The following ROBO2 variants were observed in gnomAD, a reference collection of about 807,000 sequenced individuals.
ROBO2 encodes roundabout guidance receptor 2.
In ROBO2, 53 loss-of-function variants were observed where a neutral mutation model predicts 160.8. The observed-to-expected ratio is 0.33, with a 90% CI of 0.26 to 0.41. The LOEUF is 0.41. Ranked by LOEUF, ROBO2 falls within the 10% of genes least tolerant of loss-of-function variation. The probability of loss-of-function intolerance (pLI) is 1.00; values close to 1 mark genes in which losing one functional copy is unlikely to be tolerated. For missense variants in ROBO2, 1,577 were observed against 1,722.4 expected (o/e 0.92, Z 1.49); for synonymous variants, 664 against 611.7 (o/e 1.09, Z -1.26).
chr3:75,988,875 A>T (rs2065488139), intron 2 of ROBO2, among the ~76,000 whole-genome samples: 1 of 151,998 alleles, frequency 6.6e-6, no homozygotes, highest in East Asian at 1.9e-4. Context: ...AAATCTGATG[A>T]TATATAATTT....
At chr3:75,974,638 G>A (rs1446438484) in intron 2 of ROBO2, among the ~76,000 whole-genome samples, 1 of 151,526 alleles carries the variant, frequency 6.6e-6, no homozygotes, top group Non-Finnish European at 1.5e-5. Flanking sequence ...CAGTGTTTCA[G>A]ATTTTACTGT....
chr3:77,316,946 C>A, intron 2 of ROBO2: 1 of 1,328,518 alleles, frequency 7.5e-7, no homozygotes, highest in Non-Finnish European at 1.1e-6. Flanking sequence ...GCTGCTGTTC[C>A]GAAGCGCGTG....
chr3:77,119,879 A>G (rs1407490453), intron 2 of ROBO2, among the ~76,000 whole-genome samples: 1 of 152,198 alleles, frequency 6.6e-6, no homozygotes, highest in African/African-American at 2.4e-5. Context: ...GTCCAGTTTC[A>G]TATAGTAAAA....
At chr3:76,159,706 C>T (rs2072547515) in intron 2 of ROBO2, among the ~76,000 whole-genome samples, 1 of 152,128 alleles carries the variant, frequency 6.6e-6, no homozygotes, top group African/African-American at 2.4e-5. Flanking sequence ...CGTTATTTCT[C>T]AGCATAAGCT....
At chr3:76,072,504 T>TAC (rs1416767576) in intron 2 of ROBO2, among the ~76,000 whole-genome samples, 1 of 152,172 alleles carries the variant, frequency 6.6e-6, no homozygotes, top group East Asian at 1.9e-4. Flanking sequence ...TCTTTATATA[T>TAC]ACTCCTAGAT....
At chr3:77,164,419 C>G (rs376478805) in intron 2 of ROBO2, among the ~76,000 whole-genome samples, 3,119 of 80,648 alleles carry the variant, frequency 0.039, 144 homozygotes, top group Middle Eastern at 0.09. Flanking sequence ...GGCCAGCCGC[C>G]CCGTCCGGGA....
chr3:76,616,921 T>A (rs2088630503), intron 2 of ROBO2, among the ~76,000 whole-genome samples: 1 of 152,138 alleles, frequency 6.6e-6, no homozygotes, highest in Non-Finnish European at 1.5e-5. Flanking sequence ...CCACTGTGTC[T>A]AAGTCTAAAG....
At chr3:77,300,285 G>T (rs2062542407) in intron 2 of ROBO2, among the ~76,000 whole-genome samples, 1 of 150,452 alleles carries the variant, frequency 6.6e-6, no homozygotes, top group Non-Finnish European at 1.5e-5. Context: ...ATTATTCTAA[G>T]AAAGAGTTAT....
intron 2 of ROBO2, among the ~76,000 whole-genome samples, chr3:77,250,790 G>A (rs1255260094): frequency 6.6e-6 from 1 of 152,034 alleles, no homozygotes; most frequent in East Asian, 1.9e-4. Flanking sequence ...GAGGGTAAGG[G>A]GGCTGAACTC....
chr3:76,185,215 T>TATAGATAGATATATATATATATATATAC, intron 2 of ROBO2, among the ~76,000 whole-genome samples: 1 of 90,312 alleles, frequency 1.1e-5, no homozygotes, highest in African/African-American at 3.8e-5. Context: ...TATATATATA[T>TATAGATAGATATATATATATATATATAC]ACACACACAA....
intron 2 of ROBO2, among the ~76,000 whole-genome samples, chr3:77,290,867 A>C (rs1453251668): frequency 1.2e-5 from 1 of 83,500 alleles, no homozygotes; most frequent in Non-Finnish European, 3.1e-5. Context: ...TAAAGACATA[A>C]AGTAAAATTG....
chr3:77,436,155 T>TA (rs147074024), intron 2 of ROBO2, among the ~76,000 whole-genome samples: 7,861 of 151,498 alleles, frequency 0.052, 304 homozygotes, highest in Non-Finnish European at 0.073. Flanking sequence ...TTCCTGCAGT[T>TA]TTTTTTACAT....
intron 2 of ROBO2, among the ~76,000 whole-genome samples, chr3:77,403,288 A>G (rs2075971699): frequency 6.6e-6 from 1 of 152,158 alleles, no homozygotes; most frequent in African/African-American, 2.4e-5. Context: ...TATGGTCACT[A>G]TACTGTACAA....
At chr3:77,064,386 A>C (rs1258194918) in intron 1 of ROBO2, among the ~76,000 whole-genome samples, 1 of 145,746 alleles carries the variant, frequency 6.9e-6, no homozygotes, top group Admixed American at 6.9e-5. Flanking sequence ...TTTGAGACAG[A>C]GTCTCACTGT....
intron 2 of ROBO2, among the ~76,000 whole-genome samples, chr3:76,687,230 C>T (rs533277877): frequency 6.6e-6 from 1 of 152,140 alleles, no homozygotes. Context: ...TGAATCCAGG[C>T]TACCTGGGGT....
intron 2 of ROBO2, among the ~76,000 whole-genome samples, chr3:76,486,367 G>A (rs2079496190): frequency 6.6e-6 from 1 of 152,248 alleles, no homozygotes; most frequent in Middle Eastern, 3.4e-3. Flanking sequence ...CTAGGCTAAT[G>A]CTCGGTGGTT....
chr3:76,420,458 T>C (rs1288589334), intron 2 of ROBO2, among the ~76,000 whole-genome samples: 2 of 152,234 alleles, frequency 1.3e-5, no homozygotes, highest in Admixed American at 6.5e-5. Context: ...CTGTGTAAGA[T>C]GTTAGTCTAA....
chr3:76,304,798 C>CTTTCTTTCTT (rs1177082404), intron 2 of ROBO2, among the ~76,000 whole-genome samples: 21 of 85,594 alleles, frequency 2.5e-4, no homozygotes, highest in African/African-American at 9.7e-4. Flanking sequence ...TTCTTTCTTT[C>CTTTCTTTCTT]TCTTTCTTTT....
intron 5 of ROBO2, among the ~76,000 whole-genome samples, chr3:77,502,276 TAGAATTTTTATC>T (rs2087727768): frequency 6.6e-6 from 1 of 152,068 alleles, no homozygotes; most frequent in African/African-American, 2.4e-5. Flanking sequence ...TGCCTAGAAG[TAGAATTTTTATC>T]ATATAGTCAC....
Sources: allele counts gnomAD v4.1 joint callset (sites outside exome capture counted in the v4.1 genomes callset), GRCh38; gene constraint gnomAD v4.1.1; transcripts MANE v1.5; gene names NCBI Gene and HGNC (gene_info 2026-07-23, HGNC 2026-07-21).